Variants in DCAF10 observed in about 807,000 individuals in gnomAD.
DCAF10 encodes DDB1 and CUL4 associated factor 10, also known as DDB1- and CUL4-associated factor 10.
A neutral mutation model predicts 51.9 loss-of-function variants in DCAF10; 19 were observed. The observed-to-expected ratio is 0.37, with a 90% CI of 0.26 to 0.54. DCAF10 has a LOEUF of 0.54. DCAF10 is among the 20% of genes least tolerant of loss of function. The probability of loss-of-function intolerance (pLI) is 0.87; values close to 1 mark genes in which losing one functional copy is unlikely to be tolerated. For synonymous variants in DCAF10, 291 were observed against 297.1 expected (o/e 0.98, Z 0.21); for missense variants, 510 against 730.6 (o/e 0.70, Z 3.48).
At chr9:37,843,511 C>G (rs1162172921) in intron 3 of DCAF10, among the ~76,000 whole-genome samples, 1 of 152,048 alleles carries the variant, frequency 6.6e-6, no homozygotes, top group Non-Finnish European at 1.5e-5. Context: ...ATAAATGTAA[C>G]TTCCAAATTA....
At chr9:37,851,044 G>A (rs1427954185) in intron 3 of DCAF10, among the ~76,000 whole-genome samples, 1 of 151,354 alleles carries the variant, frequency 6.6e-6, no homozygotes, top group African/African-American at 2.4e-5. Flanking sequence ...AGGAGTTCGA[G>A]ACCAGCCTGG....
At chr9:37,820,363 G>A (rs892280170) in intron 2 of DCAF10, among the ~76,000 whole-genome samples, 10 of 152,192 alleles carry the variant, frequency 6.6e-5, no homozygotes, top group Non-Finnish European at 1.3e-4. Context: ...CTGACAGCTA[G>A]TAGTTTTGCT....
intron 2 of DCAF10, among the ~76,000 whole-genome samples, chr9:37,825,993 T>TCA (rs1829840450): frequency 6.7e-6 from 1 of 149,434 alleles, no homozygotes; most frequent in African/African-American, 2.5e-5. Flanking sequence ...CGAGATCGCG[T>TCA]CACTGCACAC....
chr9:37,858,930 G>A (rs76962953), intron 5 of DCAF10, among the ~76,000 whole-genome samples: 1,695 of 152,262 alleles, frequency 0.011, 32 homozygotes, highest in African/African-American at 0.038. Context: ...CAGCCCACAC[G>A]TGGTTCCCCA....
chr9:37,850,137 T>G (rs1010087570), intron 3 of DCAF10, among the ~76,000 whole-genome samples: 1 of 152,172 alleles, frequency 6.6e-6, no homozygotes, highest in Non-Finnish European at 1.5e-5. Flanking sequence ...ATATAGAAAA[T>G]CTTACAAATT....
intron 2 of DCAF10, among the ~76,000 whole-genome samples, chr9:37,828,539 A>C (rs1317368243): frequency 1.3e-5 from 2 of 152,258 alleles, no homozygotes; most frequent in African/African-American, 4.8e-5. Context: ...AAATTATTCC[A>C]TAAATCCAGT....
At chr9:37,837,907 C>A (rs1444968473) in intron 2 of DCAF10, among the ~76,000 whole-genome samples, 1 of 151,828 alleles carries the variant, frequency 6.6e-6, no homozygotes, top group Admixed American at 6.6e-5. Context: ...GCCCATAGTC[C>A]CAGCTACTCA....
intron 1 of DCAF10, among the ~76,000 whole-genome samples, chr9:37,818,477 T>C (rs1380870764): frequency 2.0e-5 from 3 of 151,888 alleles, no homozygotes; most frequent in Non-Finnish European, 4.4e-5. Flanking sequence ...AAAAAACTTA[T>C]ACTTAATCAA....
chr9:37,839,773 C>T (rs1402316721), intron 2 of DCAF10, among the ~76,000 whole-genome samples: 1 of 152,162 alleles, frequency 6.6e-6, no homozygotes, highest in East Asian at 1.9e-4. Flanking sequence ...AAGTCTTTCC[C>T]AGCCACCCTC....
At chr9:37,833,837 A>G (rs1365194663) in intron 2 of DCAF10, among the ~76,000 whole-genome samples, 1 of 152,238 alleles carries the variant, frequency 6.6e-6, no homozygotes, top group Non-Finnish European at 1.5e-5. Flanking sequence ...CTAACGCTAC[A>G]TTCTCTGCAT....
Position 37,862,871 on chromosome 9 carries a change from A to G in DCAF10, c.*1363A>G, listed in dbSNP as rs575950122. Reference sequence around the variant, plus strand: ...CATTAGGGTGCACTGTAACCATTACAGAGCTTGTGAAAAGTGCAGAAACCT... The same window carrying G: ...CATTAGGGTGCACTGTAACCATTACGGAGCTTGTGAAAAGTGCAGAAACCT... On this transcript the variant is annotated 3_prime_UTR_variant, in exon 7 of 7. Coordinates refer to ENST00000377724, the MANE Select transcript of DCAF10 (RefSeq NM_024345.5). The G allele has an allele frequency of 6.6e-6, 1 of 152,356 alleles. No individual in the cohort carries two copies. Among genetic ancestry groups the G allele is most frequent in the East Asian group, 1.9e-4 (1 of 5,190 alleles). The allele number at this position is 152,356 out of a possible 1,614,324, so 9.4% of individuals were successfully genotyped here.
chr9:37,842,837 T>C (rs1193570008), intron 3 of DCAF10, among the ~76,000 whole-genome samples: 3 of 152,232 alleles, frequency 2.0e-5, no homozygotes, highest in East Asian at 3.8e-4. Flanking sequence ...AGTGGACTAG[T>C]TGTCCCACCT....
At chr9:37,840,182 T>G (rs560823962) in intron 2 of DCAF10, among the ~76,000 whole-genome samples, 7 of 152,214 alleles carry the variant, frequency 4.6e-5, no homozygotes, top group Non-Finnish European at 1.0e-4. Flanking sequence ...CAGAAGATTA[T>G]AATGGAGCTG....
At chr9:37,855,006 A>G (rs7040503) in intron 4 of DCAF10, 24 bp downstream of exon 4, 256,439 of 1,574,416 alleles carry the variant, frequency 0.16, 22,503 homozygotes, top group African/African-American at 0.3. Flanking sequence ...TTTTGGTCAA[A>G]AAGATTTTTC....
intron 1 of DCAF10, among the ~76,000 whole-genome samples, chr9:37,812,864 CATGAAAAATTTTAGT>C (rs1829394940): frequency 6.6e-6 from 1 of 151,734 alleles, no homozygotes; most frequent in Middle Eastern, 3.4e-3. Context: ...TGGTATAAAA[CATGAAAAATTTTAGT>C]AGAGCATTAA....
rs181518394 is a variant in DCAF10, at chr9:37,866,012, A to G, written c.*4504A>G. 3.3e-5 allele frequency: 5 copies of G among 152,732 alleles called. No individual in the cohort carries two copies. The highest frequency in any genetic ancestry group is 1.2e-4 in the African/African-American group (5 of 41,558). The allele number at this position is 152,732 out of a possible 1,614,324, so 9.5% of individuals were successfully genotyped here. On this transcript the variant is annotated 3_prime_UTR_variant, in exon 7 of 7. Coordinates refer to ENST00000377724, the MANE Select transcript of DCAF10 (RefSeq NM_024345.5). ...ATATGTGGTAGTGGCATCCATAAGT[A>G]TCTTTTAACTTGCATTTAGCAGGAC...
At chr9:37,832,264 C>T (rs994575813) in intron 2 of DCAF10, 2 of 149,788 alleles carry the variant, frequency 1.3e-5, no homozygotes, top group African/African-American at 4.9e-5. Context: ...TCAAGACCAT[C>T]CTGGCCAACA....
intron 2 of DCAF10, among the ~76,000 whole-genome samples, chr9:37,825,360 A>T (rs983706158): frequency 6.6e-6 from 1 of 152,254 alleles, no homozygotes; most frequent in Non-Finnish European, 1.5e-5. Context: ...AGGAAAACAT[A>T]GTACATATAC....
intron 2 of DCAF10, among the ~76,000 whole-genome samples, chr9:37,828,872 T>C (rs937715220): frequency 6.6e-6 from 1 of 152,222 alleles, no homozygotes; most frequent in Non-Finnish European, 1.5e-5. Context: ...AAAGATCTAA[T>C]TATGAAAGCA....
Sources: allele counts gnomAD v4.1 joint callset (sites outside exome capture counted in the v4.1 genomes callset), GRCh38; gene constraint gnomAD v4.1.1; transcripts MANE v1.5; gene names NCBI Gene and HGNC (gene_info 2026-07-23, HGNC 2026-07-21).